Variants in CTIF observed in about 807,000 individuals in gnomAD.
CTIF encodes the protein CBP80/20-dependent translation initiation factor.
In CTIF, 21 loss-of-function variants were observed where a neutral mutation model predicts 66.0. The observed-to-expected ratio is 0.32, with a 90% CI of 0.23 to 0.46. The LOEUF (loss-of-function observed/expected upper bound fraction) is 0.46. CTIF is among the 20% of genes least tolerant of loss of function. The probability of loss-of-function intolerance (pLI) is 1.00; values close to 1 mark genes in which losing one functional copy is unlikely to be tolerated. For synonymous variants in CTIF, 345 were observed against 326.4 expected (o/e 1.06, Z -0.62); for missense variants, 739 against 812.7 (o/e 0.91, Z 1.10).
At chr18:48,572,485 A>T in intron 1 of CTIF, among the ~76,000 whole-genome samples, 1 of 152,124 alleles carries the variant, frequency 6.6e-6, no homozygotes, top group East Asian at 1.9e-4. Context: ...AACTGAGGAA[A>T]CTCCGGCTCA....
At chr18:48,855,820 T>G (rs1442410337) in intron 10 of CTIF, among the ~76,000 whole-genome samples, 1 of 152,160 alleles carries the variant, frequency 6.6e-6, no homozygotes, top group African/African-American at 2.4e-5. Flanking sequence ...TGGTACCTTC[T>G]TGGTTATGGA....
At chr18:48,788,663 G>A (rs1284981403) in intron 9 of CTIF, among the ~76,000 whole-genome samples, 1 of 152,180 alleles carries the variant, frequency 6.6e-6, no homozygotes, top group African/African-American at 2.4e-5. Context: ...AGCCTTTGAA[G>A]ATAAGATTCC....
intron 10 of CTIF, among the ~76,000 whole-genome samples, chr18:48,819,834 A>G (rs2068445801): frequency 1.3e-5 from 2 of 152,248 alleles, no homozygotes; most frequent in South Asian, 4.1e-4. Context: ...CAACTGCACC[A>G]CGTTGGGAAG....
intron 6 of CTIF, among the ~76,000 whole-genome samples, chr18:48,685,866 G>A (rs999067512): frequency 1.3e-5 from 2 of 151,958 alleles, no homozygotes; most frequent in African/African-American, 2.4e-5. Context: ...TAGTAGAGAT[G>A]GGGTTTCACT....
intron 6 of CTIF, chr18:48,692,586 A>G (rs2091946180): frequency 6.6e-6 from 1 of 152,226 alleles, no homozygotes; most frequent in African/African-American, 2.4e-5. Flanking sequence ...GCATATGAAT[A>G]GCATGCAGAT....
At chr18:48,723,669 C>T (rs567816538) in intron 7 of CTIF, among the ~76,000 whole-genome samples, 5 of 152,270 alleles carry the variant, frequency 3.3e-5, no homozygotes, top group African/African-American at 9.6e-5. Flanking sequence ...AGGACAAACC[C>T]AGAGCATGAG....
At chr18:48,641,496 G>T (rs1438118977) in intron 3 of CTIF, among the ~76,000 whole-genome samples, 1 of 152,212 alleles carries the variant, frequency 6.6e-6, no homozygotes, top group African/African-American at 2.4e-5. Flanking sequence ...TGTCACAAAT[G>T]ATGACTTTGA....
intron 7 of CTIF, among the ~76,000 whole-genome samples, chr18:48,721,238 T>A (rs2092331985): frequency 1.3e-5 from 2 of 152,132 alleles, no homozygotes; most frequent in African/African-American, 4.8e-5. Flanking sequence ...TAGGGGCACA[T>A]GTCTAGTTAC....
At chr18:48,816,809 C>T (rs1199965406) in intron 9 of CTIF, among the ~76,000 whole-genome samples, 2 of 152,248 alleles carry the variant, frequency 1.3e-5, no homozygotes, top group African/African-American at 4.8e-5. Flanking sequence ...ACCCCCAGTC[C>T]ACCACGCAGA....
At chr18:48,776,605 C>T (rs4329974) in intron 9 of CTIF, among the ~76,000 whole-genome samples, 2 of 152,182 alleles carry the variant, frequency 1.3e-5, no homozygotes, top group East Asian at 1.9e-4. Flanking sequence ...GGCACTGGGT[C>T]GGGTGTGGTC....
chr18:48,640,629 G>A (rs574369208), intron 3 of CTIF, among the ~76,000 whole-genome samples: 2 of 152,228 alleles, frequency 1.3e-5, no homozygotes, highest in South Asian at 4.1e-4. Flanking sequence ...GACTGCCCAC[G>A]TTGGCTGCAC....
chr18:48,637,799 C>A lies in CTIF; in HGVS notation c.252+1114C>A, dbSNP rs565083416. 2.0e-5 allele frequency among the ~76,000 whole-genome samples: 3 copies of A among 152,110 alleles called. No individual in the cohort carries two copies. The East Asian group carries it at 5.8e-4, about 29-fold the overall frequency. ...TTAAGAAGGAGGCCATAATAAGAGC[C>A]CCGGGGGTGGGGGGTGATGGGAGAC... On this transcript the variant is annotated intron_variant, in intron 3 of 11. Coordinates refer to ENST00000256413, the MANE Select transcript of CTIF (RefSeq NM_014772.3).
chr18:48,661,734 G>A (rs2091350431), intron 3 of CTIF: 1 of 152,228 alleles, frequency 6.6e-6, no homozygotes, highest in Admixed American at 6.5e-5. Flanking sequence ...TGGCAGGAGA[G>A]GGGATGGTAG....
chr18:48,640,590 C>T (rs948879529), intron 3 of CTIF, among the ~76,000 whole-genome samples: 4 of 152,238 alleles, frequency 2.6e-5, no homozygotes, highest in Non-Finnish European at 5.9e-5. Context: ...CATGGAGATG[C>T]GGTGGCTGGC....
intron 6 of CTIF, among the ~76,000 whole-genome samples, chr18:48,687,305 G>GACACACACACACACACACACACAC (rs3082465): frequency 1.6e-5 from 2 of 128,560 alleles, no homozygotes; most frequent in African/African-American, 3.1e-5. Flanking sequence ...TCTAGGAGGG[G>GACACACACACACACACACACACAC]ACACACACAC....
intron 9 of CTIF, among the ~76,000 whole-genome samples, chr18:48,809,889 TTC>T (rs1422890812): frequency 1.3e-5 from 2 of 151,980 alleles, no homozygotes; most frequent in African/African-American, 4.8e-5. Flanking sequence ...CTAATTTTAT[TTC>T]TGTTTCTTCT....
At chr18:48,776,937 C>T (rs185447001) in intron 9 of CTIF, among the ~76,000 whole-genome samples, 188 of 152,318 alleles carry the variant, frequency 1.2e-3, no homozygotes, top group African/African-American at 4.4e-3. Context: ...GACCTCAGGC[C>T]AGGCCTTCTA....
chr18:48,852,790 A>G (rs1263337420), intron 10 of CTIF, among the ~76,000 whole-genome samples: 1 of 152,240 alleles, frequency 6.6e-6, no homozygotes, highest in Non-Finnish European at 1.5e-5. Context: ...TGTGTGGGAT[A>G]AATTCCTAGA....
intron 7 of CTIF, among the ~76,000 whole-genome samples, chr18:48,749,432 A>G (rs192573441): frequency 2.6e-5 from 4 of 152,338 alleles, no homozygotes; most frequent in African/African-American, 9.6e-5. Context: ...CTCAGCCCTT[A>G]GAGCCCAAAA....
Sources: allele counts gnomAD v4.1 joint callset (sites outside exome capture counted in the v4.1 genomes callset), GRCh38; gene constraint gnomAD v4.1.1; transcripts MANE v1.5; gene names NCBI Gene and HGNC (gene_info 2026-07-23, HGNC 2026-07-21).